The following SAMMSON variants were observed in gnomAD, a reference collection of about 807,000 sequenced individuals.
The protein encoded by SAMMSON is survival associated mitochondrial melanoma specific oncogenic non-coding RNA, also known as long intergenic non-protein coding RNA 1212.
At chr3:70,026,135 T>C (rs989499728) in intron 3 of SAMMSON, among the ~76,000 whole-genome samples, 1 of 152,190 alleles carries the variant, frequency 6.6e-6, no homozygotes, top group South Asian at 2.1e-4. Context: ...CTTACTTAGA[T>C]ATTTTATTTT....
At chr3:70,246,682 T>A (rs1218476495) in intron 4 of SAMMSON, among the ~76,000 whole-genome samples, 1 of 152,042 alleles carries the variant, frequency 6.6e-6, no homozygotes. Context: ...TGGGACACAA[T>A]ACTAAAAAAA....
At chr3:70,196,608 C>T (rs998666327) in intron 4 of SAMMSON, among the ~76,000 whole-genome samples, 1 of 152,138 alleles carries the variant, frequency 6.6e-6, no homozygotes, top group Non-Finnish European at 1.5e-5. Flanking sequence ...CTGATGAGTG[C>T]AATAACGCAG....
intron 4 of SAMMSON, among the ~76,000 whole-genome samples, chr3:70,187,855 A>G (rs950192776): frequency 1.3e-5 from 2 of 151,318 alleles, no homozygotes; most frequent in Non-Finnish European, 2.9e-5. Flanking sequence ...ACTCTACCTC[A>G]CTCTGCTGCC....
intron 2 of SAMMSON, among the ~76,000 whole-genome samples, chr3:70,430,065 C>T (rs1426750396): frequency 1.3e-5 from 2 of 152,158 alleles, no homozygotes; most frequent in Non-Finnish European, 2.9e-5. Flanking sequence ...GGGAATGCTT[C>T]CAGCTTTTGC....
chr3:70,156,096 AAACAG>A (rs2067590836), intron 4 of SAMMSON, among the ~76,000 whole-genome samples: 1 of 152,006 alleles, frequency 6.6e-6, no homozygotes, highest in African/African-American at 2.4e-5. Context: ...GCCTCCTTCC[AAACAG>A]AAAGACCCAA....
At chr3:70,198,021 G>A (rs1701198123) in intron 4 of SAMMSON, among the ~76,000 whole-genome samples, 1 of 152,168 alleles carries the variant, frequency 6.6e-6, no homozygotes, top group African/African-American at 2.4e-5. Context: ...AAGGGAATTA[G>A]TTAGAAGATG....
chr3:70,051,128 C>G (rs2067144153), intron 3 of SAMMSON, among the ~76,000 whole-genome samples: 1 of 94,380 alleles, frequency 1.1e-5, no homozygotes, highest in Non-Finnish European at 2.0e-5. Flanking sequence ...GAGTGATACT[C>G]CATCTCAAAA....
At chr3:70,391,908 C>A (rs1197447046), downstream of SAMMSON, among the ~76,000 whole-genome samples, 1 of 152,052 alleles carries the variant, frequency 6.6e-6, no homozygotes, top group Non-Finnish European at 1.5e-5. Context: ...ATTCATGCAA[C>A]AATATTTACA....
intron 3 of SAMMSON, among the ~76,000 whole-genome samples, chr3:70,024,627 G>A (rs564481731): frequency 2.0e-5 from 3 of 152,136 alleles, no homozygotes; most frequent in African/African-American, 7.2e-5. Flanking sequence ...TTCTTCACTT[G>A]GTCCTTGAAA....
At chr3:70,382,394 G>T (rs553285674) in intron 9 of SAMMSON, among the ~76,000 whole-genome samples, 58 of 152,174 alleles carry the variant, frequency 3.8e-4, no homozygotes, top group African/African-American at 1.3e-3. Context: ...TACATCAGTG[G>T]TTCTCAAATG....
intron 6 of SAMMSON, among the ~76,000 whole-genome samples, chr3:70,289,852 C>A (rs6763353): frequency 6.6e-6 from 1 of 151,898 alleles, no homozygotes. Flanking sequence ...TTGATTGCAT[C>A]GGCTCCTGAG....
At chr3:70,251,437 C>T (rs1233341887) in intron 6 of SAMMSON, among the ~76,000 whole-genome samples, 2 of 152,090 alleles carry the variant, frequency 1.3e-5, no homozygotes, top group South Asian at 2.1e-4. Context: ...AGGTATCTGT[C>T]TACTGGCATA....
chr3:70,285,926 T>C (rs1000985301), intron 6 of SAMMSON, among the ~76,000 whole-genome samples: 2 of 151,304 alleles, frequency 1.3e-5, no homozygotes, highest in African/African-American at 4.9e-5. Flanking sequence ...TCTTGTAAAT[T>C]TGTTTGAGTT....
intron 4 of SAMMSON, among the ~76,000 whole-genome samples, chr3:70,207,979 C>T (rs1701308900): frequency 6.6e-6 from 1 of 151,962 alleles, no homozygotes; most frequent in Non-Finnish European, 1.5e-5. Flanking sequence ...CAGGCGTGGA[C>T]CTTGACCTTC....
intron 4 of SAMMSON, among the ~76,000 whole-genome samples, chr3:70,136,244 G>A (rs2067505265): frequency 6.6e-6 from 1 of 152,150 alleles, no homozygotes; most frequent in Non-Finnish European, 1.5e-5. Flanking sequence ...ATAGAACTGA[G>A]CTGTTCACCA....
intron 7 of SAMMSON, among the ~76,000 whole-genome samples, chr3:70,347,979 G>A (rs1348946274): frequency 6.6e-6 from 1 of 152,122 alleles, no homozygotes; most frequent in Non-Finnish European, 1.5e-5. Flanking sequence ...GGAGGCGGAG[G>A]TTACAGTGAG....
intron 4 of SAMMSON, among the ~76,000 whole-genome samples, chr3:70,245,870 A>G (rs1457420270): frequency 2.6e-5 from 4 of 151,208 alleles, no homozygotes; most frequent in African/African-American, 9.7e-5. Context: ...TCCGCAGAAG[A>G]GGGCTGCCAT....
At chr3:70,126,541 C>T (rs573524516) in intron 4 of SAMMSON, 34 of 560,778 alleles carry the variant, frequency 6.1e-5, no homozygotes, top group South Asian at 3.9e-4. Context: ...TTCGGTCGGC[C>T]GAGGCAGGGA....
rs375048833 is a variant in SAMMSON at position 70,059,944 on chromosome 3, T to G, written n.418-11532T>G. 6.6e-5 allele frequency among the ~76,000 whole-genome samples: 10 copies of G among 152,212 alleles called. No individual in the cohort carries two copies. In the South Asian group the frequency reaches 1.5e-3, roughly 22 times the overall value. ...GACAGACTGTCTTGAAGATCCTGAG[T>G]GTTATTGGTGATAAAGATCTGATAT... On this transcript the variant is annotated intron_variant and non_coding_transcript_variant, in intron 3 of 9. Transcript: ENST00000642114.
Sources: gnomAD v4.1 joint callset for allele counts (sites outside exome capture counted in the v4.1 genomes callset) on GRCh38, gnomAD v4.1.1 for gene constraint, MANE v1.5 for transcripts, NCBI Gene and HGNC (gene_info 2026-07-23, HGNC 2026-07-21) for gene names.